ARHGAP18: variants seen among roughly 807,000 people sequenced by gnomAD.
The protein encoded by ARHGAP18 is Rho GTPase activating protein 18.
In ARHGAP18, 67 loss-of-function variants were observed where a neutral mutation model predicts 86.2. The observed-to-expected ratio is 0.78, with a 90% confidence interval of 0.64 to 0.95. ARHGAP18 has a LOEUF of 0.95. ARHGAP18 is among the 40% of genes least tolerant of loss of function. ARHGAP18 has a pLI of 0.00. For synonymous variants in ARHGAP18, 283 were observed against 280.4 expected (o/e 1.01, Z -0.09); for missense variants, 691 against 780.4 (o/e 0.89, Z 1.37).
chr6:129,706,815 G>A (rs901189338), intron 1 of ARHGAP18, among the ~76,000 whole-genome samples: 12 of 146,204 alleles, frequency 8.2e-5, no homozygotes, highest in African/African-American at 3.0e-4. Flanking sequence ...TGAGCCTGGA[G>A]ACGGAGGTTG....
chr6:129,706,241 A>G (rs1384635251), intron 1 of ARHGAP18, among the ~76,000 whole-genome samples: 2 of 152,232 alleles, frequency 1.3e-5, no homozygotes, highest in African/African-American at 4.8e-5. Context: ...TCAAAACTAA[A>G]TATTAAGAAG....
intron 1 of ARHGAP18, among the ~76,000 whole-genome samples, chr6:129,669,328 T>C (rs1045728930): frequency 1.9e-4 from 29 of 152,036 alleles, no homozygotes; most frequent in Admixed American, 7.8e-4. Flanking sequence ...CCCGCCACCA[T>C]GCCAGGCTAA....
At chr6:129,703,882 C>T (rs115121090) in intron 1 of ARHGAP18, among the ~76,000 whole-genome samples, 61 of 152,164 alleles carry the variant, frequency 4.0e-4, no homozygotes, top group African/African-American at 1.4e-3. Context: ...TGAGGAAATA[C>T]GCTTTAGAAG....
Position 129,576,616 on chromosome 6 carries a change from AAT to A in ARHGAP18, c.*1895_*1896del, listed in dbSNP as rs1788180669. 6.6e-6 allele frequency: 1 copy of A among 152,180 alleles called. No homozygotes were observed. The highest frequency in any genetic ancestry group is 2.4e-5 in the African/African-American group (1 of 41,434). 9.4% of individuals were successfully genotyped at this position (152,180 alleles called of 1,614,324 possible). A position where few individuals can be genotyped will look rare whatever the true frequency, so the allele number is the denominator to read the frequency against. The stretch of plus-strand genomic sequence containing the variant: ...ATTAAGATACTTTTTCATGATCAAA[AAT>A]ATGTTGTGTCTCCCTCCTGACCCTC... On this transcript the variant is annotated 3_prime_UTR_variant, in exon 15 of 15. Coordinates refer to ENST00000368149, the MANE Select transcript of ARHGAP18 (RefSeq NM_033515.3).
chr6:129,647,699 G>A (rs939594829), intron 1 of ARHGAP18, among the ~76,000 whole-genome samples: 1 of 151,566 alleles, frequency 6.6e-6, no homozygotes, highest in Admixed American at 6.6e-5. Context: ...AGTGGGGTGG[G>A]GGTTCTTCCT....
intron 7 of ARHGAP18, among the ~76,000 whole-genome samples, chr6:129,615,061 C>T (rs944271351): frequency 4.6e-5 from 7 of 152,156 alleles, no homozygotes; most frequent in Admixed American, 3.9e-4. Flanking sequence ...AAATCTCTTC[C>T]TCTCACTCTA....
At chr6:129,588,570 G>A (rs1788447152) in intron 12 of ARHGAP18, among the ~76,000 whole-genome samples, 1 of 152,222 alleles carries the variant, frequency 6.6e-6, no homozygotes, top group African/African-American at 2.4e-5. Flanking sequence ...TTCACAGGCT[G>A]ATGTTGAGTG....
chr6:129,582,925 T>C (rs1398993651), intron 13 of ARHGAP18, among the ~76,000 whole-genome samples: 1 of 152,228 alleles, frequency 6.6e-6, no homozygotes, highest in Non-Finnish European at 1.5e-5. Flanking sequence ...AATAAGCCTC[T>C]CTCTCATTTC....
intron 1 of ARHGAP18, among the ~76,000 whole-genome samples, chr6:129,654,269 CA>C (rs1184207198): frequency 1.3e-5 from 2 of 152,108 alleles, no homozygotes; most frequent in African/African-American, 4.8e-5. Flanking sequence ...CAGTTAATGC[CA>C]TTCTTGTGCA....
chr6:129,676,813 G>C (rs749550941), intron 1 of ARHGAP18, among the ~76,000 whole-genome samples: 3 of 147,424 alleles, frequency 2.0e-5, no homozygotes, highest in Non-Finnish European at 4.4e-5. Flanking sequence ...GAGACTCAAA[G>C]TCCCTTAAAC....
intron 5 of ARHGAP18, among the ~76,000 whole-genome samples, chr6:129,625,751 T>G (rs1317193123): frequency 3.3e-5 from 2 of 60,206 alleles, no homozygotes; most frequent in African/African-American, 1.2e-4. Flanking sequence ...ATTTATATAT[T>G]ATATATTTAT....
chr6:129,701,629 G>T (rs1249554906), intron 1 of ARHGAP18, among the ~76,000 whole-genome samples: 1 of 152,128 alleles, frequency 6.6e-6, no homozygotes, highest in African/African-American at 2.4e-5. Context: ...AATTAGCCAG[G>T]CGTAGTGGCA....
chr6:129,666,140 C>T (rs753519324), intron 1 of ARHGAP18, among the ~76,000 whole-genome samples: 7 of 152,252 alleles, frequency 4.6e-5, no homozygotes, highest in Admixed American at 1.3e-4. Flanking sequence ...CCTCAGATCA[C>T]GCCATGGACT....
intron 5 of ARHGAP18, among the ~76,000 whole-genome samples, chr6:129,627,005 CAG>C (rs1446260012): frequency 6.6e-6 from 1 of 152,036 alleles, no homozygotes; most frequent in Non-Finnish European, 1.5e-5. Flanking sequence ...TAAACGGAAT[CAG>C]AGTTTCCTGC....
intron 3 of ARHGAP18, among the ~76,000 whole-genome samples, chr6:129,636,923 T>C (rs1033640132): frequency 2.0e-5 from 3 of 152,274 alleles, no homozygotes; most frequent in African/African-American, 7.2e-5. Context: ...CAAGACTTTT[T>C]TGATGAAAGA....
chr6:129,680,137 C>A (rs1162314187), intron 1 of ARHGAP18, among the ~76,000 whole-genome samples: 1 of 152,176 alleles, frequency 6.6e-6, no homozygotes, highest in Non-Finnish European at 1.5e-5. Flanking sequence ...TCTGCAAAGA[C>A]CCTTTTTCCA....
intron 10 of ARHGAP18, among the ~76,000 whole-genome samples, chr6:129,604,225 T>A (rs1379202786): frequency 2.7e-5 from 4 of 147,432 alleles, no homozygotes. Flanking sequence ...AATTATAAAA[T>A]TATCTTTCCG....
intron 7 of ARHGAP18, among the ~76,000 whole-genome samples, chr6:129,611,990 T>C (rs1788989844): frequency 6.6e-6 from 1 of 152,242 alleles, no homozygotes. Context: ...CATTTGCATA[T>C]TTACATCTCA....
intron 10 of ARHGAP18, 140 bp downstream of exon 10, chr6:129,605,737 T>G: frequency 1.4e-6 from 1 of 707,426 alleles, no homozygotes; most frequent in East Asian, 2.6e-5. Flanking sequence ...GCTTTCACCC[T>G]CTGTCCTTAA....
Sources: allele counts gnomAD v4.1 joint callset (sites outside exome capture counted in the v4.1 genomes callset), GRCh38; gene constraint gnomAD v4.1.1; transcripts MANE v1.5; gene names NCBI Gene and HGNC (gene_info 2026-07-23, HGNC 2026-07-21).